CNTNAP2: variants seen among roughly 807,000 people sequenced by gnomAD.
The protein encoded by CNTNAP2 is contactin-associated protein-like 2.
CNTNAP2 carries 98 observed loss-of-function variants against 155.2 expected under a neutral mutation model. The observed-to-expected ratio is 0.63, with a 90% CI of 0.54 to 0.75. The LOEUF is 0.75. Among genes scored for constraint, CNTNAP2 ranks in the 30% least tolerant of loss-of-function variants. The pLI is 0.00. For synonymous variants in CNTNAP2, 651 were observed against 631.2 expected (o/e 1.03, Z -0.47); for missense variants, 1,727 against 1,688.1 (o/e 1.02, Z -0.40).
At chr7:148,209,298 CTTT>C (rs11371612) in intron 18 of CNTNAP2, among the ~76,000 whole-genome samples, 111 of 130,392 alleles carry the variant, frequency 8.5e-4, no homozygotes, top group Non-Finnish European at 9.9e-4. Context: ...TCTTTTCTTC[CTTT>C]TTTTTTTTTT....
chr7:147,906,876 C>T (rs1362049101), intron 14 of CNTNAP2, among the ~76,000 whole-genome samples: 4 of 152,152 alleles, frequency 2.6e-5, no homozygotes, highest in South Asian at 4.1e-4. Flanking sequence ...AGACCTCCTC[C>T]TCTGGCAAGC....
At chr7:148,216,453 T>A (rs1055057449) in intron 18 of CNTNAP2, among the ~76,000 whole-genome samples, 6 of 147,668 alleles carry the variant, frequency 4.1e-5, no homozygotes, top group Middle Eastern at 6.8e-3. Flanking sequence ...TTGTAAACCC[T>A]ATACACAAAG....
chr7:146,267,956 G>A (rs1355398253), intron 1 of CNTNAP2, among the ~76,000 whole-genome samples: 1 of 152,168 alleles, frequency 6.6e-6, no homozygotes. Context: ...ATAACAACAT[G>A]AGAAAGCAAC....
intron 13 of CNTNAP2, among the ~76,000 whole-genome samples, chr7:147,798,459 C>T (rs1485223871): frequency 6.6e-6 from 1 of 152,166 alleles, no homozygotes; most frequent in African/African-American, 2.4e-5. Flanking sequence ...TGTCAGGGCT[C>T]TAGAGATACA....
intron 8 of CNTNAP2, among the ~76,000 whole-genome samples, chr7:147,156,913 C>G (rs1186653494): frequency 1.3e-5 from 2 of 152,006 alleles, no homozygotes; most frequent in Non-Finnish European, 2.9e-5. Flanking sequence ...CTCTGGTACC[C>G]TATATAGAGA....
At chr7:148,137,010 C>G (rs1585145836) in intron 16 of CNTNAP2, among the ~76,000 whole-genome samples, 1 of 152,250 alleles carries the variant, frequency 6.6e-6, no homozygotes, top group African/African-American at 2.4e-5. Flanking sequence ...GAATGCTTTT[C>G]TTAAGTAGAA....
chr7:147,979,873 T>A (rs1242900589), intron 15 of CNTNAP2, among the ~76,000 whole-genome samples: 2 of 152,304 alleles, frequency 1.3e-5, no homozygotes, highest in East Asian at 3.9e-4. Flanking sequence ...TCCACACGCC[T>A]CGGCCTCCCA....
At chr7:147,697,731 C>T (rs554840548) in intron 13 of CNTNAP2, among the ~76,000 whole-genome samples, 11 of 152,224 alleles carry the variant, frequency 7.2e-5, no homozygotes, top group Admixed American at 3.3e-4. Flanking sequence ...GTAAGTGAGG[C>T]TCTGATACAA....
At chr7:147,769,690 T>G (rs2116533284) in intron 13 of CNTNAP2, among the ~76,000 whole-genome samples, 1 of 152,302 alleles carries the variant, frequency 6.6e-6, no homozygotes, top group Non-Finnish European at 1.5e-5. Flanking sequence ...AAGATATCTA[T>G]AAAGACCATT....
chr7:147,053,577 T>C (rs1281497477), intron 4 of CNTNAP2, among the ~76,000 whole-genome samples: 1 of 152,108 alleles, frequency 6.6e-6, no homozygotes, highest in Non-Finnish European at 1.5e-5. Flanking sequence ...AACTGACATA[T>C]AAAATCAAGA....
intron 1 of CNTNAP2, among the ~76,000 whole-genome samples, chr7:146,646,415 G>T (rs1054113702): frequency 2.6e-5 from 4 of 152,010 alleles, no homozygotes; most frequent in Non-Finnish European, 5.9e-5. Context: ...TTTTCAGAGG[G>T]TTCAGGTATA....
chr7:146,651,511 TGTG>T (rs1424310909), intron 1 of CNTNAP2, among the ~76,000 whole-genome samples: 1 of 152,152 alleles, frequency 6.6e-6, no homozygotes, highest in Non-Finnish European at 1.5e-5. Flanking sequence ...GGTATGGACA[TGTG>T]GGGAAAAAAC....
chr7:147,312,224 A>T (rs1385481130), intron 9 of CNTNAP2, among the ~76,000 whole-genome samples: 1 of 151,972 alleles, frequency 6.6e-6, no homozygotes, highest in Non-Finnish European at 1.5e-5. Flanking sequence ...GTAATGAAAA[A>T]TATTTTCTAC....
chr7:146,384,644 T>C (rs962624574), intron 1 of CNTNAP2, among the ~76,000 whole-genome samples: 4 of 152,186 alleles, frequency 2.6e-5, no homozygotes, highest in Non-Finnish European at 5.9e-5. Context: ...GAAAGAGTAC[T>C]TTGTAATTGA....
At chr7:146,900,411 GT>G (rs1432201691) in intron 3 of CNTNAP2, among the ~76,000 whole-genome samples, 2 of 152,192 alleles carry the variant, frequency 1.3e-5, no homozygotes, top group Non-Finnish European at 2.9e-5. Context: ...TCATTTGAAA[GT>G]TTTTCAAGAG....
At chr7:146,462,493 T>C (rs187756201) in intron 1 of CNTNAP2, among the ~76,000 whole-genome samples, 1 of 152,322 alleles carries the variant, frequency 6.6e-6, no homozygotes, top group African/African-American at 2.4e-5. Flanking sequence ...CTGACCTTGG[T>C]GTTTTCCTTT....
intron 1 of CNTNAP2, among the ~76,000 whole-genome samples, chr7:146,320,806 A>G (rs1800987660): frequency 6.6e-6 from 1 of 152,170 alleles, no homozygotes; most frequent in Non-Finnish European, 1.5e-5. Context: ...TTCTTGATTT[A>G]TAAAGAAAAT....
intron 11 of CNTNAP2, among the ~76,000 whole-genome samples, chr7:147,542,317 C>G (rs1441267719): frequency 2.0e-5 from 3 of 150,450 alleles, no homozygotes; most frequent in Non-Finnish European, 4.4e-5. Context: ...AAAAAAAGCT[C>G]CAAAAAAAAA....
intron 21 of CNTNAP2, among the ~76,000 whole-genome samples, chr7:148,272,855 A>G (rs1796806094): frequency 6.6e-6 from 1 of 152,170 alleles, no homozygotes; most frequent in Admixed American, 6.5e-5. Context: ...TAAACACAAG[A>G]CCCGTAAAGG....
Sources: allele counts gnomAD v4.1 joint callset (sites outside exome capture counted in the v4.1 genomes callset), GRCh38; gene constraint gnomAD v4.1.1; transcripts MANE v1.5; gene names NCBI Gene and HGNC (gene_info 2026-07-23, HGNC 2026-07-21).